TOM1: variants seen among roughly 807,000 people sequenced by gnomAD.
TOM1 encodes target of myb1 membrane trafficking protein, also known as target of Myb protein 1.
Under a neutral mutation model 61.3 loss-of-function variants are expected in TOM1, and 38 were observed. The ratio of observed to expected loss-of-function variants is 0.62; its 90% confidence interval spans 0.48 to 0.81. TOM1 has a LOEUF of 0.81. Among genes scored for constraint, TOM1 ranks in the 40% least tolerant of loss-of-function variants. TOM1 has a pLI of 0.00. For missense variants in TOM1, 591 were observed against 659.6 expected, an observed-to-expected ratio of 0.90 and a Z score of 1.14; for synonymous variants, 270 against 268.8, an observed-to-expected ratio of 1.00 and a Z score of -0.04.
chr22:35,338,898 G>A, intron 12 of TOM1, 110 bp downstream of exon 12: 1 of 1,013,240 alleles, frequency 9.9e-7, no homozygotes, highest in Non-Finnish European at 1.4e-6. Flanking sequence ...ACGTCCACAG[G>A]CCCTTCCTCG....
At chr22:35,305,577 T>C (rs988428238) in intron 1 of TOM1, among the ~76,000 whole-genome samples, 1 of 152,008 alleles carries the variant, frequency 6.6e-6, no homozygotes, top group Non-Finnish European at 1.5e-5. Context: ...GGAAAATTAC[T>C]TGAACCTGGG....
intron 11 of TOM1, chr22:35,336,592 G>A (rs1929359218): frequency 6.6e-6 from 1 of 152,368 alleles, no homozygotes; most frequent in Admixed American, 6.5e-5. Context: ...CTTCACAAAG[G>A]CAGGGGTGTC....
At chr22:35,300,002 C>G (rs563402595) in intron 1 of TOM1, 22 bp downstream of exon 1, 1 of 1,558,868 alleles carries the variant, frequency 6.4e-7, no homozygotes, top group East Asian at 2.4e-5. Context: ...GAGCCCCCCA[C>G]AGCTCCGCCC....
chr22:35,309,657 A>AG, intron 1 of TOM1, among the ~76,000 whole-genome samples: 1 of 151,612 alleles, frequency 6.6e-6, no homozygotes, highest in East Asian at 1.9e-4. Flanking sequence ...AAAAAAAAAA[A>AG]AAAGAGAGAG....
chr22:35,323,626 A>C lies in TOM1; in HGVS notation c.497A>C (p.Gln166Pro), dbSNP rs763314023. ...LDMLSPIHTP[Q>P]RTVFNSETQS... ...ATGCTGTCACCCATCCACACACCCC[A>C]GAGGGTGAGAGAACTGCCGTACCGG... Residue 166 changes from glutamine to proline, a missense_variant, in exon 5 of 15, where the codon CAG becomes CCG. Gln to Pro is a moderately conservative substitution (Grantham distance 76). Coordinates refer to ENST00000449058, the MANE Select transcript of TOM1 (RefSeq NM_005488.3). This position sits in a 1 kb window ranked among gnomAD's most constrained non-coding sequence, Gnocchi z 4.2. 1 of 1,614,150 alleles carries C rather than the reference A, an allele frequency of 6.2e-7. No homozygotes were observed. Among genetic ancestry groups the C allele is most frequent in the South Asian group, 1.1e-5 (1 of 91,084 alleles).
In TOM1 at chr22:35,327,355, C is replaced by A; in HGVS notation, c.733C>A (p.Gln245Lys). The A allele has an allele frequency of 6.2e-7, 1 of 1,613,762 alleles. No individual in the cohort carries two copies. Among genetic ancestry groups the A allele is most frequent in the Non-Finnish European group, 8.5e-7 (1 of 1,180,002 alleles). ...SEMLTELVPT[Q>K]AEPADLELLQ... Reference sequence around the variant, plus strand: ...GATGCTGACGGAGCTGGTGCCCACCCAGGCCGAGCCCGCAGACCTGGAGCT... The same window carrying A: ...GATGCTGACGGAGCTGGTGCCCACCAAGGCCGAGCCCGCAGACCTGGAGCT... Residue 245 changes from glutamine to lysine, a missense_variant, in exon 7 of 15, where the codon CAG becomes AAG. Physicochemically the swap from Gln to Lys is moderately conservative, Grantham distance 53 (BLOSUM62 1). Transcript: ENST00000449058.
Position 35,323,270 on chromosome 22 carries a change from C to G in TOM1, c.366+93C>G. 1 of 1,514,690 alleles carries G rather than the reference C, an allele frequency of 6.6e-7. No individual in the cohort carries two copies. Among genetic ancestry groups the G allele is most frequent in the Admixed American group, 2.1e-5 (1 of 48,564 alleles). 93.8% of individuals were successfully genotyped at this position (1,514,690 alleles called of 1,614,324 possible). On this transcript the variant is annotated intron_variant, in intron 4 of 14. Transcript: ENST00000449058. The surrounding 1 kb of genome is among the most constrained non-coding windows in gnomAD (Gnocchi z 4.2). ...GAGAGTCGAGGCCATCGTGTTTGTC[C>G]CAGGCTCCGCTTCTCATTTCGGGGC...
chr22:35,316,484 C>T (rs1405009008), intron 1 of TOM1, among the ~76,000 whole-genome samples: 2 of 152,240 alleles, frequency 1.3e-5, no homozygotes, highest in African/African-American at 4.8e-5. Context: ...TTCCTGCGTT[C>T]ATCATTCATG....
In TOM1 at chr22:35,334,593, A is replaced by G. The variant is rs942842643; in HGVS notation, c.1148+145A>G. 5.0e-5 allele frequency: 50 copies of G among 1,005,130 alleles called. No homozygotes were observed. In the Middle Eastern group the frequency reaches 8.9e-4, roughly 18 times the overall value. 62.3% of individuals were successfully genotyped at this position (1,005,130 alleles called of 1,614,324 possible). On this transcript the variant is annotated intron_variant, in intron 11 of 14. Coordinates refer to ENST00000449058, the MANE Select transcript of TOM1 (RefSeq NM_005488.3). Reference sequence around the variant, plus strand: ...CCCTTAGTATCCCCTAAGTCAGTCCAGCATGGCCTGGGAGCCCTGTGGTCA... The same window carrying G: ...CCCTTAGTATCCCCTAAGTCAGTCCGGCATGGCCTGGGAGCCCTGTGGTCA...
At chr22:35,302,300 T>TTC (rs1162064435) in intron 1 of TOM1, among the ~76,000 whole-genome samples, 3 of 150,804 alleles carry the variant, frequency 2.0e-5, no homozygotes, top group African/African-American at 7.3e-5. Flanking sequence ...GAATGTGAAT[T>TTC]TCTTTTTTTT....
chr22:35,316,709 G>A (rs1006608662), intron 1 of TOM1, among the ~76,000 whole-genome samples: 5 of 152,220 alleles, frequency 3.3e-5, no homozygotes, highest in Admixed American at 2.6e-4. Flanking sequence ...GTTGTATTCA[G>A]TATTACAGGT....
At chr22:35,308,124 T>C (rs973463552) in intron 1 of TOM1, among the ~76,000 whole-genome samples, 1 of 152,094 alleles carries the variant, frequency 6.6e-6, no homozygotes, top group African/African-American at 2.4e-5. Flanking sequence ...GTTTCCTGGA[T>C]CTCCAGCCTG....
At chr22:35,336,422 T>C (rs1432433373) in intron 11 of TOM1, among the ~76,000 whole-genome samples, 1 of 152,220 alleles carries the variant, frequency 6.6e-6, no homozygotes, top group Non-Finnish European at 1.5e-5. Flanking sequence ...AGCTCTGCCC[T>C]GGCTGGCAGG....
At chr22:35,312,963 G>C (rs1159261757) in intron 1 of TOM1, among the ~76,000 whole-genome samples, 1 of 152,206 alleles carries the variant, frequency 6.6e-6, no homozygotes, top group Non-Finnish European at 1.5e-5. Context: ...AGCCAGAGCT[G>C]TCTCAGTGAT....
At chr22:35,319,869 C>T (rs1351337563) in intron 2 of TOM1, among the ~76,000 whole-genome samples, 1 of 152,216 alleles carries the variant, frequency 6.6e-6, no homozygotes, top group Non-Finnish European at 1.5e-5. Context: ...GTCCCTTCCA[C>T]CGCAGGCCTG....
chr22:35,345,871 T>C (rs1930467125), intron 13 of TOM1, 87 bp downstream of exon 13: 6 of 1,304,338 alleles, frequency 4.6e-6, no homozygotes, highest in Non-Finnish European at 6.6e-6. Context: ...GGTAGACTTA[T>C]ATAGCATATA....
intron 12 of TOM1, among the ~76,000 whole-genome samples, chr22:35,342,740 C>T (rs1241742933): frequency 6.6e-6 from 1 of 151,168 alleles, no homozygotes; most frequent in East Asian, 1.9e-4. Context: ...CACACCTCCA[C>T]CCATAGACCT....
chr22:35,334,547 G>T, intron 11 of TOM1, 99 bp downstream of exon 11: 1 of 1,454,376 alleles, frequency 6.9e-7, no homozygotes, highest in Middle Eastern at 1.9e-4. Flanking sequence ...AAGGGCACAC[G>T]GACCCTGCTT....
rs140031121 is a variant in TOM1, at chr22:35,309,738, A to T, written c.53-8139A>T. On this transcript the variant is annotated intron_variant, in intron 1 of 14. Coordinates refer to ENST00000449058, the MANE Select transcript of TOM1 (RefSeq NM_005488.3). ...TCCATCTAGAATGAATTCGTTCAGT[A>T]GTGGCTTCTTCTGTATTTCTGCCTA... Among the ~76,000 whole-genome samples, 728 of 152,026 alleles carry T rather than the reference A, an allele frequency of 4.8e-3. 6 individuals carry two copies. Among genetic ancestry groups the T allele is most frequent in the African/African-American group, 0.017 (702 of 41,456 alleles).
Sources: gnomAD v4.1 joint callset for allele counts (sites outside exome capture counted in the v4.1 genomes callset) on GRCh38, gnomAD v4.1.1 for gene constraint, Gnocchi (gnomAD v3.1) non-coding constraint, MANE v1.5 for transcripts, NCBI Gene and HGNC (gene_info 2026-07-23, HGNC 2026-07-21) for gene names.